DRC11: variants seen among roughly 807,000 people sequenced by gnomAD.
DRC11 encodes IQ and AAA domain-containing protein 1.
chr2:236,392,001 A>G, the DRC11 span: 13 of 1,613,702 alleles, frequency 8.1e-6, no homozygotes, highest in Admixed American at 1.7e-5. This position sits in a 1 kb window ranked among gnomAD's most constrained non-coding sequence, Gnocchi z 5.1. Flanking sequence ...TCCTGCTTTC[A>G]CTGGGCGCTC....
the DRC11 span, among the ~76,000 whole-genome samples, chr2:236,370,571 T>C: frequency 6.6e-6 from 1 of 152,042 alleles, no homozygotes; most frequent in Admixed American, 6.5e-5. This position sits in a 1 kb window ranked among gnomAD's most constrained non-coding sequence, Gnocchi z 5.5. Flanking sequence ...TGGTGCTTCC[T>C]GGGAACTGGG....
chr2:236,490,989 C>A, the DRC11 span, among the ~76,000 whole-genome samples: 3 of 124,180 alleles, frequency 2.4e-5, no homozygotes, highest in Admixed American at 8.4e-5. The surrounding 1 kb of genome is among the most constrained non-coding windows in gnomAD (Gnocchi z 5.5). Context: ...CAGTATATAC[C>A]CCAAGAATAT....
chr2:236,469,228 C>T, the DRC11 span, among the ~76,000 whole-genome samples: 10 of 152,260 alleles, frequency 6.6e-5, no homozygotes, highest in East Asian at 3.9e-4. The surrounding 1 kb of genome is among the most constrained non-coding windows in gnomAD (Gnocchi z 5.8). Context: ...GTTTTTGAGA[C>T]GGAGTCTCAC....
At chr2:236,308,356 T>A in the DRC11 span, among the ~76,000 whole-genome samples, 1 of 152,252 alleles carries the variant, frequency 6.6e-6, no homozygotes, top group Non-Finnish European at 1.5e-5. The surrounding 1 kb of genome is among the most constrained non-coding windows in gnomAD (Gnocchi z 6.0). Context: ...CCGTGTCCCC[T>A]GGTCTGTGAT....
the DRC11 span, among the ~76,000 whole-genome samples, chr2:236,500,257 G>A: frequency 6.6e-6 from 1 of 152,134 alleles, no homozygotes; most frequent in Non-Finnish European, 1.5e-5. The surrounding 1 kb of genome is among the most constrained non-coding windows in gnomAD (Gnocchi z 6.3). Context: ...GAAAACTGAG[G>A]CAAAGAGAAG....
the DRC11 span, among the ~76,000 whole-genome samples, chr2:236,409,726 T>C: frequency 2.0e-5 from 3 of 152,086 alleles, no homozygotes; most frequent in Middle Eastern, 6.8e-3. Flanking sequence ...GCCCATTCAG[T>C]ATGATATTGG....
the DRC11 span, among the ~76,000 whole-genome samples, chr2:236,356,580 C>A: frequency 6.6e-6 from 1 of 152,168 alleles, no homozygotes; most frequent in Non-Finnish European, 1.5e-5. Flanking sequence ...TGACATTCAG[C>A]ACTCTGAGTG....
the DRC11 span, among the ~76,000 whole-genome samples, chr2:236,341,295 C>T: frequency 6.6e-6 from 1 of 152,338 alleles, no homozygotes; most frequent in Non-Finnish European, 1.5e-5. Flanking sequence ...TCTTTACCGC[C>T]TTCACCTCAG....
the DRC11 span, among the ~76,000 whole-genome samples, chr2:236,393,160 C>T: frequency 0.011 from 1,693 of 152,170 alleles, 30 homozygotes; most frequent in African/African-American, 0.038. The surrounding 1 kb of genome is among the most constrained non-coding windows in gnomAD (Gnocchi z 4.7). Context: ...GAATCTATGT[C>T]GAGAATGTAA....
At chr2:236,372,071 T>C in the DRC11 span, among the ~76,000 whole-genome samples, 1 of 152,214 alleles carries the variant, frequency 6.6e-6, no homozygotes, top group Non-Finnish European at 1.5e-5. This position sits in a 1 kb window ranked among gnomAD's most constrained non-coding sequence, Gnocchi z 4.5. Context: ...CTTTTCCCGT[T>C]TGCCCTGAGA....
At chr2:236,348,694 T>C in the DRC11 span, among the ~76,000 whole-genome samples, 1 of 151,946 alleles carries the variant, frequency 6.6e-6, no homozygotes, top group Non-Finnish European at 1.5e-5. This position sits in a 1 kb window ranked among gnomAD's most constrained non-coding sequence, Gnocchi z 7.4. Context: ...GTGACTGGGG[T>C]GTTGTCTGGC....
chr2:236,408,401 C>A, the DRC11 span: 1 of 741,140 alleles, frequency 1.3e-6, no homozygotes, highest in East Asian at 2.5e-5. This position sits in a 1 kb window ranked among gnomAD's most constrained non-coding sequence, Gnocchi z 5.5. Context: ...TAGTCTTTGC[C>A]CTTGGTCACC....
the DRC11 span, among the ~76,000 whole-genome samples, chr2:236,503,145 C>A: frequency 5.3e-3 from 811 of 152,284 alleles, 10 homozygotes; most frequent in African/African-American, 0.018. The surrounding 1 kb of genome is among the most constrained non-coding windows in gnomAD (Gnocchi z 4.9). Flanking sequence ...GCCACACCAA[C>A]AAGCATTAAG....
the DRC11 span, among the ~76,000 whole-genome samples, chr2:236,464,694 C>T: frequency 6.6e-6 from 1 of 152,078 alleles, no homozygotes; most frequent in Admixed American, 6.5e-5. Flanking sequence ...AAATGTGATC[C>T]CCAGTGTTGG....
the DRC11 span, among the ~76,000 whole-genome samples, chr2:236,490,003 G>T: frequency 2.0e-5 from 3 of 152,198 alleles, no homozygotes; most frequent in Non-Finnish European, 4.4e-5. This position sits in a 1 kb window ranked among gnomAD's most constrained non-coding sequence, Gnocchi z 5.5. Context: ...TCAGAGGGCA[G>T]CAATGGTTGC....
At chr2:236,375,111 ACCTC>A in the DRC11 span, among the ~76,000 whole-genome samples, 2 of 151,530 alleles carry the variant, frequency 1.3e-5, no homozygotes, top group African/African-American at 4.9e-5. This position sits in a 1 kb window ranked among gnomAD's most constrained non-coding sequence, Gnocchi z 4.2. Flanking sequence ...TGATCCGCTC[ACCTC>A]CCACAAGGCC....
the DRC11 span, among the ~76,000 whole-genome samples, chr2:236,460,208 G>A: frequency 6.6e-6 from 1 of 152,182 alleles, no homozygotes; most frequent in Admixed American, 6.5e-5. The surrounding 1 kb of genome is among the most constrained non-coding windows in gnomAD (Gnocchi z 4.0). Context: ...ACATCTTTGT[G>A]AAGTCTGCAC....
At chr2:236,313,413 G>C in the DRC11 span, among the ~76,000 whole-genome samples, 1 of 152,154 alleles carries the variant, frequency 6.6e-6, no homozygotes, top group Non-Finnish European at 1.5e-5. This position sits in a 1 kb window ranked among gnomAD's most constrained non-coding sequence, Gnocchi z 4.5. Context: ...ACCAAATGCT[G>C]ATGAGGATGT....
chr2:236,357,870 TATAC>T, the DRC11 span, among the ~76,000 whole-genome samples: 1 of 124,072 alleles, frequency 8.1e-6, no homozygotes, highest in African/African-American at 3.2e-5. Flanking sequence ...ACTATATAAA[TATAC>T]ATATACTATA....
Sources: gnomAD v4.1 joint callset for allele counts (sites outside exome capture counted in the v4.1 genomes callset) on GRCh38, gnomAD v4.1.1 for gene constraint, Gnocchi (gnomAD v3.1) non-coding constraint, MANE v1.5 for transcripts, NCBI Gene and HGNC (gene_info 2026-07-23, HGNC 2026-07-21) for gene names.